Variants in PANK2 observed in about 807,000 individuals in gnomAD.
The protein encoded by PANK2 is pantothenate kinase 2.
PANK2 carries 36 observed loss-of-function variants against 43.1 expected under a neutral mutation model. The observed-to-expected ratio is 0.84, with a 90% CI of 0.64 to 1.10. The LOEUF (loss-of-function observed/expected upper bound fraction) is 1.10, where lower values mean the gene tolerates loss of function less well. Among genes scored for constraint, PANK2 ranks in the 50% least tolerant of loss-of-function variants. PANK2 has a pLI of 0.00. For synonymous variants in PANK2, 281 were observed against 238.2 expected (o/e 1.18, Z -1.66); for missense variants, 576 against 593.3 (o/e 0.97, Z 0.30).
At chr20:3,898,600 A>G (rs1486613486) in intron 1 of PANK2, among the ~76,000 whole-genome samples, 2 of 151,958 alleles carry the variant, frequency 1.3e-5, no homozygotes, top group African/African-American at 4.8e-5. Context: ...TTGTATTCTC[A>G]CTGTCATTCA....
intron 1 of PANK2, among the ~76,000 whole-genome samples, chr20:3,896,608 G>T (rs1185180840): frequency 1.3e-5 from 2 of 152,002 alleles, no homozygotes; most frequent in Non-Finnish European, 2.9e-5. Flanking sequence ...TCTGGGGAGG[G>T]GTGGGGGCTT....
Position 3,925,220 on chromosome 20 carries a change from C to G in PANK2, c.*1926C>G, listed in dbSNP as rs1410836954. On this transcript the variant is annotated 3_prime_UTR_variant, in exon 7 of 7. Coordinates refer to ENST00000610179, the MANE Select transcript of PANK2 (RefSeq NM_001386393.1). Reference sequence around the variant, plus strand: ...CCATTCCCTCATGTTCCACCTTGTGCTCAGTAAACCCTGTCACTCCACAGC... The same window carrying G: ...CCATTCCCTCATGTTCCACCTTGTGGTCAGTAAACCCTGTCACTCCACAGC... 1.3e-5 allele frequency: 2 copies of G among 152,380 alleles called. No individual in the cohort carries two copies. Among genetic ancestry groups the G allele is most frequent in the African/African-American group, 4.8e-5 (2 of 41,458 alleles). The allele number at this position is 152,380 out of a possible 1,614,324, so 9.4% of individuals were successfully genotyped here.
intron 1 of PANK2, among the ~76,000 whole-genome samples, chr20:3,892,656 A>G (rs1208279228): frequency 7.0e-6 from 1 of 143,722 alleles, no homozygotes; most frequent in Admixed American, 7.2e-5. Flanking sequence ...AGCCTGGGCG[A>G]CAGAGCGACT....
Position 3,908,037 on chromosome 20 carries a change from G to A in PANK2, c.410G>A (p.Ser137Asn), listed in dbSNP as rs778386623. ...GAGGAAGAAGTGGAAAGTCTTAAAA[G>A]CATTCGGAAGTACCTGACCTCCAAT... Residue 137 changes from serine to asparagine, a missense_variant, in exon 2 of 7, where the codon AGC becomes AAC. By Grantham distance (46) the Ser-to-Asn change is conservative (BLOSUM62 1). This residue lies in a region of PANK2 where 544 missense variants were observed against 528.9 expected (regional missense o/e 1.03). Coordinates refer to ENST00000610179, the MANE Select transcript of PANK2 (RefSeq NM_001386393.1). 2 of 1,614,114 alleles carry A rather than the reference G, an allele frequency of 1.2e-6. No individual in the cohort carries two copies. The highest frequency in any genetic ancestry group is 1.1e-5 in the South Asian group (1 of 91,082).
At chr20:3,892,196 T>C (rs2090133251) in intron 1 of PANK2, among the ~76,000 whole-genome samples, 2 of 152,102 alleles carry the variant, frequency 1.3e-5, no homozygotes, top group South Asian at 4.1e-4. Context: ...ATACAAAAAT[T>C]AGCTGGGCGT....
At position 3,924,401 on chromosome 20, in the gene PANK2, C is replaced by T. The variant is rs6139244; in HGVS notation, c.*1107C>T. The T allele has an allele frequency of 0.037, 5,663 of 152,306 alleles. 201 individuals are homozygous for T. The highest frequency in any genetic ancestry group is 0.17 in the East Asian group (887 of 5,170). The allele number at this position is 152,306 out of a possible 1,614,324, so 9.4% of individuals were successfully genotyped here. On this transcript the variant is annotated 3_prime_UTR_variant, in exon 7 of 7. Transcript: ENST00000610179. ...GCTCTGCAGCCTCCCTGCTCCCCTC[C>T]GTTTAAGGCTGTGGTCAGGGAGGGA...
chr20:3,901,381 G>T (rs759617166), intron 1 of PANK2, among the ~76,000 whole-genome samples: 4 of 151,838 alleles, frequency 2.6e-5, no homozygotes, highest in Non-Finnish European at 5.9e-5. Flanking sequence ...CCCATTTCTT[G>T]TCAATCAGCT....
intron 5 of PANK2, among the ~76,000 whole-genome samples, chr20:3,918,080 C>G (rs1224699273): frequency 6.6e-6 from 1 of 152,142 alleles, no homozygotes; most frequent in Non-Finnish European, 1.5e-5. Context: ...GATTTCTGGT[C>G]TACAGAAATG....
intron 1 of PANK2, chr20:3,891,520 A>G (rs2090122634): frequency 1.3e-5 from 2 of 152,200 alleles, no homozygotes; most frequent in South Asian, 4.1e-4. Context: ...TGCTAGCTTC[A>G]TAGCTTTTGC....
At chr20:3,903,882 C>T (rs1240105635) in intron 1 of PANK2, among the ~76,000 whole-genome samples, 1 of 152,040 alleles carries the variant, frequency 6.6e-6, no homozygotes, top group African/African-American at 2.4e-5. Context: ...CCGCTTCAGC[C>T]TCCCAAAGTG....
intron 4 of PANK2, among the ~76,000 whole-genome samples, chr20:3,914,077 CTG>C (rs1568578282): frequency 1.3e-5 from 2 of 152,156 alleles, no homozygotes; most frequent in Non-Finnish European, 2.9e-5. Context: ...GCGTGAGCCA[CTG>C]CGCCTGGCCT....
chr20:3,890,623 GC>G (rs1371290568), intron 1 of PANK2, among the ~76,000 whole-genome samples: 3 of 152,176 alleles, frequency 2.0e-5, no homozygotes, highest in Non-Finnish European at 4.4e-5. Flanking sequence ...GGTGGGTGTT[GC>G]CAGATTCCTA....
At position 3,893,924 on chromosome 20, in the gene PANK2, G is replaced by GTTTTTTTTTTTT; in HGVS notation, c.298+4202_298+4203insTTTTTTTTTTTT. 1.6e-5 allele frequency among the ~76,000 whole-genome samples: 2 copies of GTTTTTTTTTTTT among 124,906 alleles called. 1 individual carries two copies. Among genetic ancestry groups the GTTTTTTTTTTTT allele is most frequent in the African/African-American group, 6.5e-5 (2 of 30,588 alleles). 81.9% of individuals were successfully genotyped at this position (124,906 alleles called of 152,430 possible). On this transcript the variant is annotated intron_variant, in intron 1 of 6. Transcript: ENST00000610179. ...CAAGATGGGAGTTTTTTTTTTGTTT[G>GTTTTTTTTTTTT]TTTTTTGTTTTTTTTTTTTTTTTTT...
At chr20:3,894,489 C>T (rs573155320) in intron 1 of PANK2, among the ~76,000 whole-genome samples, 1 of 152,146 alleles carries the variant, frequency 6.6e-6, no homozygotes, top group Non-Finnish European at 1.5e-5. Context: ...ATCTGCCCAC[C>T]TCAGCCTCCC....
At chr20:3,923,181 G>A (rs1350368094) in intron 6 of PANK2, 63 bp from the exon 7 acceptor site, 1 of 1,570,180 alleles carries the variant, frequency 6.4e-7, no homozygotes, top group African/African-American at 1.4e-5. Context: ...TAGTCATCAT[G>A]TGTAAGGTGA....
At chr20:3,915,802 C>T (rs6052169) in intron 4 of PANK2, among the ~76,000 whole-genome samples, 78,872 of 151,998 alleles carry the variant, frequency 0.52, 20,928 homozygotes, top group East Asian at 0.66. Flanking sequence ...TTTGGGTTTA[C>T]TCCTGGACTC....
At chr20:3,916,853 T>C (rs1175642780) in intron 4 of PANK2, 74 bp from the exon 5 acceptor site, 2 of 1,595,960 alleles carry the variant, frequency 1.3e-6, no homozygotes, top group East Asian at 2.2e-5. Context: ...TTTATTTCAA[T>C]AAAGTAACAT....
chr20:3,889,200 A>C (rs1406690866), upstream of PANK2: 1 of 1,612,180 alleles, frequency 6.2e-7, no homozygotes, highest in Non-Finnish European at 8.5e-7. Flanking sequence ...CGGAACCCGG[A>C]TCCCCTCCTC....
At chr20:3,895,668 G>C (rs138262549) in intron 1 of PANK2, among the ~76,000 whole-genome samples, 2 of 152,104 alleles carry the variant, frequency 1.3e-5, no homozygotes, top group Admixed American at 6.6e-5. Context: ...TTCATAATTT[G>C]GGGTATCTTC....
Sources: allele counts gnomAD v4.1 joint callset (sites outside exome capture counted in the v4.1 genomes callset), GRCh38; gene constraint gnomAD v4.1.1; regional missense constraint gnomAD v4.1.1; transcripts MANE v1.5; gene names NCBI Gene and HGNC (gene_info 2026-07-23, HGNC 2026-07-21).